The following EXT1 variants were observed in gnomAD, a reference collection of about 807,000 sequenced individuals.
EXT1 encodes exostosin glycosyltransferase 1, also known as exostosin-1.
In EXT1, 20 loss-of-function variants were observed where a neutral mutation model predicts 82.5. The observed-to-expected ratio is 0.24, with a 90% CI of 0.17 to 0.35. EXT1 has a LOEUF of 0.35. Ranked by LOEUF, EXT1 falls within the 10% of genes least tolerant of loss-of-function variation. The pLI is 1.00. For missense variants in EXT1, 757 were observed against 936.5 expected, an observed-to-expected ratio of 0.81 and a Z score of 2.50; for synonymous variants, 348 against 350.8, an observed-to-expected ratio of 0.99 and a Z score of 0.09.
At chr8:118,081,026 ACTTAT>A (rs1196234725) in intron 1 of EXT1, among the ~76,000 whole-genome samples, 2 of 152,214 alleles carry the variant, frequency 1.3e-5, no homozygotes, top group African/African-American at 4.8e-5. Flanking sequence ...TTTAGGGAGC[ACTTAT>A]CTTATGCCAG....
chr8:118,055,558 G>A (rs1359921219), intron 1 of EXT1, among the ~76,000 whole-genome samples: 1 of 152,200 alleles, frequency 6.6e-6, no homozygotes. Flanking sequence ...AAGAAATGGA[G>A]ATGAGAAACA....
intron 1 of EXT1, among the ~76,000 whole-genome samples, chr8:117,965,991 T>TAC (rs1176965487): frequency 1.4e-4 from 18 of 124,626 alleles, no homozygotes; most frequent in South Asian, 7.3e-4. Flanking sequence ...CATACATGCA[T>TAC]ATACACACAC....
chr8:117,963,963 G>A (rs2129723923), intron 1 of EXT1, among the ~76,000 whole-genome samples: 1 of 152,258 alleles, frequency 6.6e-6, no homozygotes, highest in East Asian at 1.9e-4. Flanking sequence ...CTTTCATCAT[G>A]AGGTTCATTT....
At position 118,110,978 on chromosome 8, in the gene EXT1, G is replaced by A. The variant is rs200276819; in HGVS notation, c.69C>T (p.Phe23=). The change falls in exon 1 of 11, where the codon TTC becomes TTT. Residue 23 remains phenylalanine (F), a synonymous_variant. Transcript: ENST00000378204. The part of the protein sequence containing the change: ...AGSCLALLFY[F]GGLQFRASRS... ...TCGATGCCCTAAACTGCAAGCCTCC[G>A]AAATAAAACAAAAGGGCGAGACAAG... 3.1e-6 allele frequency: 5 copies of A among 1,610,186 alleles called. No individual in the cohort carries two copies. The highest frequency in any genetic ancestry group is 1.3e-5 in the African/African-American group (1 of 74,906).
rs534128647 is a variant in EXT1, at chr8:117,976,607, T to C, written c.962+133478A>G. Among the ~76,000 whole-genome samples the C allele has an allele frequency of 4.3e-4, 66 of 152,320 alleles. 1 individual carries two copies. Among genetic ancestry groups the C allele is most frequent in the South Asian group, 1.2e-3 (6 of 4,826 alleles). ...CTGAGAGAATGCATGAGGGGTATTA[T>C]TGGGTGCTAGAAATATTCTATATTT... On this transcript the variant is annotated intron_variant, in intron 1 of 10. Transcript: ENST00000378204.
rs1175966324 is a variant in EXT1, at chr8:118,111,684, G to A, written c.-638C>T. 7.3e-6 allele frequency: 2 copies of A among 275,720 alleles called. No individual in the cohort carries two copies. Among genetic ancestry groups the A allele is most frequent in the East Asian group, 5.3e-5 (1 of 18,824 alleles). 17.1% of individuals were successfully genotyped at this position (275,720 alleles called of 1,614,324 possible). On this transcript the variant is annotated 5_prime_UTR_variant, in exon 1 of 11. Transcript: ENST00000378204. Reference sequence around the variant, plus strand: ...GCGGGGCCGGCCCCCGGGACGCGCGGCGGCCCGGCTGGAGGCGGCGGCGGC... The same window carrying A: ...GCGGGGCCGGCCCCCGGGACGCGCGACGGCCCGGCTGGAGGCGGCGGCGGC...
chr8:117,835,950 C>T (rs1017827644), intron 2 of EXT1, among the ~76,000 whole-genome samples: 7 of 152,198 alleles, frequency 4.6e-5, no homozygotes, highest in African/African-American at 1.4e-4. Flanking sequence ...CACAAGTCCA[C>T]GTGCAAAGTG....
intron 1 of EXT1, among the ~76,000 whole-genome samples, chr8:118,046,267 G>A (rs1331232528): frequency 1.3e-5 from 2 of 152,112 alleles, no homozygotes; most frequent in African/African-American, 4.8e-5. Context: ...AGGAGCAGCA[G>A]ATAAGGCTTA....
intron 4 of EXT1, among the ~76,000 whole-genome samples, chr8:117,823,589 G>A (rs1210543132): frequency 6.6e-6 from 1 of 151,088 alleles, no homozygotes; most frequent in African/African-American, 2.4e-5. Context: ...TCCATTTAAT[G>A]CAATGTGATT....
At chr8:117,861,813 A>C (rs188851979) in intron 1 of EXT1, among the ~76,000 whole-genome samples, 6 of 144,792 alleles carry the variant, frequency 4.1e-5, no homozygotes, top group African/African-American at 1.5e-4. Flanking sequence ...TTTTGTCTTA[A>C]AAACCCAGAT....
At chr8:118,083,599 C>G (rs1224794602) in intron 1 of EXT1, among the ~76,000 whole-genome samples, 1 of 152,146 alleles carries the variant, frequency 6.6e-6, no homozygotes, top group African/African-American at 2.4e-5. Context: ...TAATAGGCTC[C>G]TAAGACGCCA....
chr8:117,849,990 C>T (rs1330165049), intron 1 of EXT1, among the ~76,000 whole-genome samples: 1 of 152,224 alleles, frequency 6.6e-6, no homozygotes, highest in Non-Finnish European at 1.5e-5. Context: ...TGATTAAACA[C>T]ACATGATACT....
intron 1 of EXT1, among the ~76,000 whole-genome samples, chr8:118,050,598 G>A (rs1816702077): frequency 6.6e-6 from 1 of 152,230 alleles, no homozygotes; most frequent in African/African-American, 2.4e-5. Context: ...TGCCATTGTA[G>A]CAGGAGAGTG....
chr8:118,069,109 A>C (rs972166164), intron 1 of EXT1, among the ~76,000 whole-genome samples: 1 of 152,206 alleles, frequency 6.6e-6, no homozygotes, highest in Non-Finnish European at 1.5e-5. Flanking sequence ...AGCTGGAGGA[A>C]GCAAGTCATA....
At chr8:117,963,295 A>G (rs2129722356) in intron 1 of EXT1, among the ~76,000 whole-genome samples, 1 of 152,266 alleles carries the variant, frequency 6.6e-6, no homozygotes, top group South Asian at 2.1e-4. Context: ...ACCTTGTCCA[A>G]CTAGCTGCCA....
intron 7 of EXT1, among the ~76,000 whole-genome samples, chr8:117,817,323 G>A (rs1266353155): frequency 1.3e-5 from 2 of 152,110 alleles, no homozygotes; most frequent in Non-Finnish European, 2.9e-5. Flanking sequence ...TTGGTGAGTC[G>A]ATGATGATAT....
intron 1 of EXT1, among the ~76,000 whole-genome samples, chr8:118,027,194 T>G (rs1377396587): frequency 1.3e-5 from 2 of 152,142 alleles, no homozygotes; most frequent in African/African-American, 4.8e-5. Flanking sequence ...GAAACTCAAG[T>G]ACACAGAATA....
intron 1 of EXT1, among the ~76,000 whole-genome samples, chr8:118,044,701 G>T (rs147748220): frequency 1.3e-4 from 20 of 152,028 alleles, no homozygotes; most frequent in African/African-American, 4.8e-4. Flanking sequence ...GCCACCGTGC[G>T]CGGCTGATTT....
At chr8:118,074,361 A>G (rs1817164370) in intron 1 of EXT1, among the ~76,000 whole-genome samples, 1 of 152,180 alleles carries the variant, frequency 6.6e-6, no homozygotes, top group African/African-American at 2.4e-5. Context: ...AGAGCCAGGA[A>G]TGCATCCGAG....
Sources: gnomAD v4.1 joint callset for allele counts (sites outside exome capture counted in the v4.1 genomes callset) on GRCh38, gnomAD v4.1.1 for gene constraint, MANE v1.5 for transcripts, NCBI Gene and HGNC (gene_info 2026-07-23, HGNC 2026-07-21) for gene names.